Variants in TCF20 observed in about 807,000 individuals in gnomAD.
TCF20 encodes the protein transcription factor 20.
A neutral mutation model predicts 148.6 loss-of-function variants in TCF20; 3 were observed. The ratio of observed to expected loss-of-function variants is 0.02; its 90% CI spans 0.01 to 0.05. The LOEUF (loss-of-function observed/expected upper bound fraction) is 0.05, where lower values mean the gene tolerates loss of function less well. TCF20 is among the 10% of genes least tolerant of loss of function. The pLI is 1.00. For missense variants in TCF20, 2,350 were observed against 2,429.3 expected (o/e 0.97, Z 0.69); for synonymous variants, 1,049 against 909.5 (o/e 1.15, Z -2.76).
chr22:42,316,463 A>G (rs1391574643), intron 1 of TCF20, among the ~76,000 whole-genome samples: 2 of 152,144 alleles, frequency 1.3e-5, no homozygotes, highest in East Asian at 1.9e-4. Context: ...CTGGCCCACA[A>G]GTTAATCTGT....
chr22:42,205,688 GAATAAAAGCTAGGTA>G (rs531323522), intron 2 of TCF20, among the ~76,000 whole-genome samples: 246 of 152,334 alleles, frequency 1.6e-3, no homozygotes, highest in South Asian at 2.9e-3. Context: ...GAGAAAAGTA[GAATAAAAGCTAGGTA>G]AATAAAAGCT....
At chr22:42,330,523 C>G (rs1486917922) in intron 1 of TCF20, among the ~76,000 whole-genome samples, 2 of 152,242 alleles carry the variant, frequency 1.3e-5, no homozygotes, top group Admixed American at 1.3e-4. Flanking sequence ...GATGAGGTCA[C>G]AGCCCCACAG....
At position 42,292,093 on chromosome 22, in the gene TCF20, A is replaced by G. The variant is rs1293358700; in HGVS notation, c.-37+51386T>C. Among the ~76,000 whole-genome samples the G allele has an allele frequency of 6.6e-6, 1 of 152,112 alleles. No individual in the cohort carries two copies. Among genetic ancestry groups the G allele is most frequent in the Non-Finnish European group, 1.5e-5 (1 of 68,018 alleles). ...CCTCGTATGAGACCCGTGAGCACTA[A>G]TGGGGCCTCACTCCCATTTCTTAGA... On this transcript the variant is annotated intron_variant, in intron 1 of 1. Coordinates refer to the TCF20 transcript ENST00000515426. This position sits in a 1 kb window ranked among gnomAD's most constrained non-coding sequence, Gnocchi z 4.9.
At chr22:42,252,782 G>A (rs1334266423) in intron 1 of TCF20, among the ~76,000 whole-genome samples, 1 of 151,950 alleles carries the variant, frequency 6.6e-6, no homozygotes, top group Non-Finnish European at 1.5e-5. Context: ...AAACACTAGA[G>A]TAACAATCTT....
intron 1 of TCF20, among the ~76,000 whole-genome samples, chr22:42,249,131 C>CCA (rs1925156545): frequency 6.6e-6 from 1 of 152,198 alleles, no homozygotes; most frequent in African/African-American, 2.4e-5. Flanking sequence ...TCCAGGCTTG[C>CCA]CAGCCTTTGG....
chr22:42,318,775 AG>A (rs1927680607), intron 1 of TCF20, among the ~76,000 whole-genome samples: 1 of 152,200 alleles, frequency 6.6e-6, no homozygotes, highest in Non-Finnish European at 1.5e-5. Flanking sequence ...TTCCAGACAC[AG>A]GGATGCCATC....
At chr22:42,173,227 C>A (rs1242293118) in intron 3 of TCF20, among the ~76,000 whole-genome samples, 2 of 143,096 alleles carry the variant, frequency 1.4e-5, no homozygotes. Context: ...TGGCTCATTG[C>A]ATTAAATACA....
intron 1 of TCF20, chr22:42,276,363 AATGG>A (rs953388838): frequency 4.6e-5 from 7 of 152,208 alleles, no homozygotes; most frequent in Admixed American, 4.6e-4. Context: ...CAAGTGAAGA[AATGG>A]AGGCCCAGAG....
intron 1 of TCF20, among the ~76,000 whole-genome samples, chr22:42,312,667 C>G (rs1341228172): frequency 6.6e-6 from 1 of 152,128 alleles, no homozygotes; most frequent in Non-Finnish European, 1.5e-5. Context: ...CCTGGCCTGG[C>G]AATCCCATTG....
intron 1 of TCF20, among the ~76,000 whole-genome samples, chr22:42,269,402 C>A: frequency 6.6e-6 from 1 of 152,148 alleles, no homozygotes; most frequent in South Asian, 2.1e-4. Flanking sequence ...TTGGTATCCG[C>A]AACCACAAAA....
intron 1 of TCF20, among the ~76,000 whole-genome samples, chr22:42,308,264 G>A (rs74585995): frequency 0.012 from 1,872 of 152,210 alleles, 51 homozygotes; most frequent in African/African-American, 0.043. Flanking sequence ...CCCCTTGGAC[G>A]TGAAGCAAGT....
At chr22:42,256,243 T>C (rs924013624) in intron 1 of TCF20, among the ~76,000 whole-genome samples, 3 of 152,242 alleles carry the variant, frequency 2.0e-5, no homozygotes, top group Non-Finnish European at 4.4e-5. Context: ...ATTTTCCATA[T>C]TGGACTCTCC....
rs1476771543 is a variant in TCF20 at position 42,179,558 on chromosome 22, A to G, written c.5749+51T>C. The G allele has an allele frequency of 3.2e-6, 4 of 1,241,382 alleles. No individual in the cohort carries two copies. The Admixed American group carries it at 7.4e-5, about 23-fold the overall frequency. 76.9% of individuals were successfully genotyped at this position (1,241,382 alleles called of 1,614,324 possible). A position where few individuals can be genotyped will look rare whatever the true frequency, so the allele number is the denominator to read the frequency against. On this transcript the variant is annotated intron_variant, in intron 3 of 5. Coordinates refer to ENST00000677622, the MANE Select transcript of TCF20 (RefSeq NM_001378418.1). ...ACGACAACAGAGAGAATCAAACTGT[A>G]TGTCCTAATCCTTTGGATGCTCTGG...
intron 1 of TCF20, among the ~76,000 whole-genome samples, chr22:42,220,584 T>C (rs1339978786): frequency 6.6e-6 from 1 of 152,180 alleles, no homozygotes; most frequent in African/African-American, 2.4e-5. Flanking sequence ...CATCTAGTTA[T>C]AGCCTGTGTA....
At chr22:42,175,821 G>A (rs967143153) in intron 3 of TCF20, among the ~76,000 whole-genome samples, 4 of 151,528 alleles carry the variant, frequency 2.6e-5, no homozygotes, top group African/African-American at 9.7e-5. Context: ...CTTCATTTTT[G>A]TTTTGAGATA....
chr22:42,254,748 C>A (rs966033019), intron 1 of TCF20, among the ~76,000 whole-genome samples: 1 of 152,152 alleles, frequency 6.6e-6, no homozygotes, highest in African/African-American at 2.4e-5. Context: ...AGGCAGATCA[C>A]AGGGTCAGCA....
chr22:42,191,802 A>G (rs981569262), intron 2 of TCF20, among the ~76,000 whole-genome samples: 2 of 152,218 alleles, frequency 1.3e-5, no homozygotes, highest in African/African-American at 4.8e-5. Flanking sequence ...GGTATAAGCC[A>G]TTGATTAGCA....
chr22:42,209,587 C>T (rs1440740300), intron 2 of TCF20, 64 bp downstream of exon 2: 23 of 1,513,968 alleles, frequency 1.5e-5, no homozygotes, highest in Non-Finnish European at 1.9e-5. Flanking sequence ...AGAACAAAAA[C>T]ATGCAAGAAA....
chr22:42,283,362 G>C (rs1601692215), intron 1 of TCF20, among the ~76,000 whole-genome samples: 3 of 152,208 alleles, frequency 2.0e-5, no homozygotes, highest in South Asian at 2.1e-4. Flanking sequence ...GGCTGGCTGC[G>C]CACGGCGGCT....
Sources: allele counts gnomAD v4.1 joint callset (sites outside exome capture counted in the v4.1 genomes callset), GRCh38; gene constraint gnomAD v4.1.1; non-coding constraint Gnocchi (gnomAD v3.1); transcripts MANE v1.5; gene names NCBI Gene and HGNC (gene_info 2026-07-23, HGNC 2026-07-21).